LAMB4: variants seen among roughly 807,000 people sequenced by gnomAD.
LAMB4 encodes laminin subunit beta 4.
Under a neutral mutation model 199.2 loss-of-function variants are expected in LAMB4, and 196 were observed. That is an observed-to-expected ratio of 0.98 (90% CI 0.88 to 1.11). The LOEUF (loss-of-function observed/expected upper bound fraction) is 1.11. Among genes scored for constraint, LAMB4 ranks in the 50% least tolerant of loss-of-function variants. LAMB4 has a pLI of 0.00. For missense variants in LAMB4, 2,080 were observed against 2,171.2 expected (o/e 0.96, Z 0.83); for synonymous variants, 744 against 770.6 (o/e 0.97, Z 0.57).
the LAMB4 span, among the ~76,000 whole-genome samples, chr7:108,015,861 T>TC: frequency 4.0e-5 from 6 of 151,498 alleles, no homozygotes; most frequent in African/African-American, 1.5e-4. Context: ...AACATGCTAG[T>TC]CCCCCCAGAT....
At chr7:108,025,384 TTTTCTTTTC>T (rs2034795413) in intron 33 of LAMB4, among the ~76,000 whole-genome samples, 2 of 101,872 alleles carry the variant, frequency 2.0e-5, no homozygotes, top group South Asian at 2.5e-4. Flanking sequence ...CTTTCTTTTC[TTTTCTTTTC>T]TTTCTTTCTT....
chr7:108,106,147 G>A, intron 7 of LAMB4, 116 bp from the exon 8 acceptor site: 2 of 849,710 alleles, frequency 2.4e-6, no homozygotes, highest in East Asian at 2.7e-5. Context: ...GCCCGGTGTA[G>A]TGGCTTGCGC....
At chr7:108,109,376 T>C (rs968859963) in intron 4 of LAMB4, 132 bp from the exon 5 acceptor site, 53 of 688,038 alleles carry the variant, frequency 7.7e-5, no homozygotes, top group Non-Finnish European at 1.3e-4. Context: ...CTCTTCCCAG[T>C]CTGTTGGAGT....
intron 33 of LAMB4, among the ~76,000 whole-genome samples, chr7:108,027,488 T>C (rs2034878297): frequency 6.6e-6 from 1 of 152,228 alleles, no homozygotes; most frequent in African/African-American, 2.4e-5. Context: ...TTTTCAGTTT[T>C]TTCATGTCAT....
chr7:108,088,737 G>A (rs187438093), intron 14 of LAMB4, among the ~76,000 whole-genome samples: 1 of 152,180 alleles, frequency 6.6e-6, no homozygotes, highest in Non-Finnish European at 1.5e-5. Flanking sequence ...AGTGTAGTCT[G>A]TCCAGAAATG....
chr7:108,031,348 GAAAAAAAAGAAAAAGGAAAAGA>G (rs2035028459), intron 31 of LAMB4, among the ~76,000 whole-genome samples: 1 of 29,630 alleles, frequency 3.4e-5, no homozygotes, highest in African/African-American at 1.6e-4. Flanking sequence ...AAAAAAAAAA[GAAAAAAAAGAAAAAGGAAAAGA>G]AAAAAAAAAA....
intron 29 of LAMB4, among the ~76,000 whole-genome samples, chr7:108,043,513 T>C (rs1487958321): frequency 6.7e-6 from 1 of 150,164 alleles, no homozygotes; most frequent in Admixed American, 6.7e-5. Context: ...GCTTGTCATT[T>C]CCAATTAATA....
chr7:108,119,645 G>T (rs2038531124), intron 2 of LAMB4, among the ~76,000 whole-genome samples: 1 of 152,158 alleles, frequency 6.6e-6, no homozygotes, highest in South Asian at 2.1e-4. Context: ...GCTATAAAAG[G>T]GTAGTACTAG....
chr7:108,058,099 G>A (rs2036044591), intron 23 of LAMB4, among the ~76,000 whole-genome samples, 171 bp from the exon 24 acceptor site: 1 of 152,222 alleles, frequency 6.6e-6, no homozygotes, highest in Non-Finnish European at 1.5e-5. Flanking sequence ...CAAGGATCAG[G>A]AGTTAATGTG....
intron 14 of LAMB4, among the ~76,000 whole-genome samples, chr7:108,082,676 C>T (rs1584709265): frequency 1.3e-5 from 2 of 152,184 alleles, no homozygotes; most frequent in Non-Finnish European, 2.9e-5. Context: ...TTGCAGTTGG[C>T]ACTGGTTCTT....
intron 23 of LAMB4, among the ~76,000 whole-genome samples, chr7:108,060,449 C>T (rs1301991534): frequency 2.6e-5 from 4 of 152,128 alleles, no homozygotes; most frequent in African/African-American, 7.2e-5. Context: ...ATAAAACAGG[C>T]ATGACCATCC....
intron 11 of LAMB4, among the ~76,000 whole-genome samples, chr7:108,097,462 G>C (rs780535256): frequency 6.6e-6 from 1 of 152,010 alleles, no homozygotes; most frequent in Non-Finnish European, 1.5e-5. Flanking sequence ...ATTAGAAGGG[G>C]TGTGAGAAGA....
intron 4 of LAMB4, among the ~76,000 whole-genome samples, chr7:108,110,339 T>C (rs2038177605): frequency 6.6e-6 from 1 of 152,180 alleles, no homozygotes; most frequent in Non-Finnish European, 1.5e-5. Flanking sequence ...AGAAAATCAG[T>C]GATTCTTTAT....
At chr7:108,121,493 T>C (rs1209948351) in intron 2 of LAMB4, among the ~76,000 whole-genome samples, 1 of 152,146 alleles carries the variant, frequency 6.6e-6, no homozygotes, top group Non-Finnish European at 1.5e-5. Context: ...CTCACACCTG[T>C]AATCCCAGCA....
intron 2 of LAMB4, among the ~76,000 whole-genome samples, chr7:108,122,209 G>C (rs2038625428): frequency 1.3e-5 from 2 of 152,246 alleles, no homozygotes; most frequent in African/African-American, 2.4e-5. Flanking sequence ...GGAGAAGGTA[G>C]AGTGATCCTC....
At chr7:108,077,238 C>T (rs1327452226) in intron 16 of LAMB4, among the ~76,000 whole-genome samples, 174 bp from the exon 17 acceptor site, 1 of 152,182 alleles carries the variant, frequency 6.6e-6, no homozygotes, top group Non-Finnish European at 1.5e-5. Context: ...GGTAAAGTCA[C>T]ATTCAGATCC....
downstream of LAMB4, among the ~76,000 whole-genome samples, chr7:108,019,216 G>C (rs1442987740): frequency 6.6e-6 from 1 of 152,108 alleles, no homozygotes; most frequent in Non-Finnish European, 1.5e-5. Context: ...CTCTAAGGAA[G>C]CATCTCTTTC....
chr7:108,041,881 CTTAAAAG>C (rs962013631), intron 29 of LAMB4, among the ~76,000 whole-genome samples: 3 of 152,028 alleles, frequency 2.0e-5, no homozygotes, highest in Non-Finnish European at 4.4e-5. Context: ...TACCTCTGAA[CTTAAAAG>C]TTAAAAAAAA....
intron 33 of LAMB4, among the ~76,000 whole-genome samples, chr7:108,024,998 A>G (rs143107380): frequency 3.6e-4 from 55 of 152,378 alleles, no homozygotes; most frequent in African/African-American, 1.3e-3. Context: ...TCATTTGGTC[A>G]GATCACACCT....
Sources: allele counts gnomAD v4.1 joint callset (sites outside exome capture counted in the v4.1 genomes callset), GRCh38; gene constraint gnomAD v4.1.1; transcripts MANE v1.5; gene names NCBI Gene and HGNC (gene_info 2026-07-23, HGNC 2026-07-21).